Variants in SYT14 observed in about 807,000 individuals in gnomAD.
SYT14 encodes the protein synaptotagmin-14.
Under a neutral mutation model 74.2 loss-of-function variants are expected in SYT14, and 32 were observed. The observed-to-expected ratio is 0.43, with a 90% CI of 0.33 to 0.58. SYT14 has a LOEUF of 0.58. Ranked by LOEUF, SYT14 falls within the 20% of genes least tolerant of loss-of-function variation. The probability of loss-of-function intolerance (pLI) is 0.05; values close to 1 mark genes in which losing one functional copy is unlikely to be tolerated. For missense variants in SYT14, 791 were observed against 981.8 expected (o/e 0.81, Z 2.60); for synonymous variants, 298 against 337.7 (o/e 0.88, Z 1.29).
At chr1:210,068,311 C>T (rs2081333177) in intron 5 of SYT14, among the ~76,000 whole-genome samples, 1 of 151,862 alleles carries the variant, frequency 6.6e-6, no homozygotes, top group East Asian at 1.9e-4. Context: ...CTTTTGATTA[C>T]CTCTTGTGTT....
intron 2 of SYT14, among the ~76,000 whole-genome samples, chr1:209,963,938 A>G (rs1030711209): frequency 6.6e-6 from 1 of 152,210 alleles, no homozygotes; most frequent in Non-Finnish European, 1.5e-5. Context: ...CAGCTATACA[A>G]TACCAGTTAT....
chr1:210,001,295 C>CT (rs952669172), intron 2 of SYT14, among the ~76,000 whole-genome samples: 42 of 147,980 alleles, frequency 2.8e-4, no homozygotes, highest in African/African-American at 4.2e-4. Flanking sequence ...TTCTTAATAA[C>CT]TTTTTTTTTT....
intron 5 of SYT14, among the ~76,000 whole-genome samples, chr1:210,063,044 G>A (rs2081234736): frequency 6.9e-6 from 1 of 145,366 alleles, no homozygotes; most frequent in Admixed American, 6.8e-5. Context: ...TAACATTGAT[G>A]GTGATTTTGT....
chr1:210,013,879 G>T (rs1265293301), intron 3 of SYT14, 82 bp downstream of exon 3: 1 of 1,411,280 alleles, frequency 7.1e-7, no homozygotes, highest in Admixed American at 2.3e-5. Context: ...GCAATAAAAA[G>T]GTTGGTTGTG....
At chr1:209,953,322 A>G in intron 2 of SYT14, 1 of 1,174,312 alleles carries the variant, frequency 8.5e-7, no homozygotes, top group Non-Finnish European at 1.1e-6. Flanking sequence ...AAGAATCAGG[A>G]GAACCTTGGG....
intron 7 of SYT14, among the ~76,000 whole-genome samples, chr1:210,141,370 C>CAT (rs1490067524): frequency 9.9e-5 from 15 of 152,086 alleles, no homozygotes; most frequent in African/African-American, 3.4e-4. Flanking sequence ...AATTGATTTT[C>CAT]ATATATTGAT....
intron 5 of SYT14, among the ~76,000 whole-genome samples, chr1:210,045,041 G>A (rs1274389302): frequency 6.6e-6 from 1 of 151,872 alleles, no homozygotes; most frequent in Non-Finnish European, 1.5e-5. Context: ...GATTTGAGGG[G>A]GACAGACATC....
At chr1:210,082,741 G>T (rs138644246) in intron 5 of SYT14, among the ~76,000 whole-genome samples, 8 of 152,244 alleles carry the variant, frequency 5.3e-5, no homozygotes, top group African/African-American at 1.9e-4. Flanking sequence ...GTGTTCCTTG[G>T]TCTTCCAGAT....
intron 5 of SYT14, among the ~76,000 whole-genome samples, chr1:210,029,151 T>C (rs920019808): frequency 6.6e-6 from 1 of 152,206 alleles, no homozygotes; most frequent in African/African-American, 2.4e-5. Flanking sequence ...TTAGGAATTC[T>C]CCATATATTT....
In SYT14 at chr1:210,075,759, G is replaced by A. The variant is rs568137004; in HGVS notation, c.1313-18563G>A. ...CCTAGGTCTGTGGGCACAGGCCTGC[G>A]GGGGTAGAGCCCTTACCAGGGACCT... On this transcript the variant is annotated intron_variant, in intron 5 of 9. Transcript: ENST00000637265. 5.9e-5 allele frequency among the ~76,000 whole-genome samples: 9 copies of A among 152,204 alleles called. No homozygotes were observed. The South Asian group carries it at 1.7e-3, about 28-fold the overall frequency.
At chr1:209,978,554 G>A (rs1005866953) in intron 2 of SYT14, among the ~76,000 whole-genome samples, 3 of 152,148 alleles carry the variant, frequency 2.0e-5, no homozygotes, top group East Asian at 1.9e-4. Context: ...CTGCCTGATC[G>A]TTCCTCTGGA....
At chr1:209,985,319 T>C (rs1025542897) in intron 2 of SYT14, among the ~76,000 whole-genome samples, 2 of 152,216 alleles carry the variant, frequency 1.3e-5, no homozygotes, top group Admixed American at 6.5e-5. Context: ...GCAGACCCCA[T>C]GTTAGTTCAA....
exon 10 of SYT14, chr1:210,163,779 T>C (rs1164824325): frequency 4.4e-6 from 2 of 453,724 alleles, no homozygotes; most frequent in Non-Finnish European, 8.8e-6. Flanking sequence ...CTACTGAATC[T>C]AATGTACGAG....
chr1:210,091,145 C>T (rs1002049358), intron 5 of SYT14, among the ~76,000 whole-genome samples: 1 of 152,116 alleles, frequency 6.6e-6, no homozygotes, highest in East Asian at 1.9e-4. Flanking sequence ...GTAACTTGTG[C>T]CTTGGTCTCT....
At chr1:210,135,644 AT>A (rs1041508401) in intron 7 of SYT14, among the ~76,000 whole-genome samples, 2 of 151,834 alleles carry the variant, frequency 1.3e-5, no homozygotes, top group South Asian at 2.1e-4. Context: ...ATGCTTGATA[AT>A]TTTTAATGGA....
chr1:210,053,200 A>AGTGAAT (rs2081035410), intron 5 of SYT14, among the ~76,000 whole-genome samples: 1 of 152,218 alleles, frequency 6.6e-6, no homozygotes, highest in Non-Finnish European at 1.5e-5. Context: ...TTTTTATTAC[A>AGTGAAT]GTGAATCACT....
At chr1:210,154,339 C>G (rs1469039559) in intron 7 of SYT14, among the ~76,000 whole-genome samples, 1 of 152,126 alleles carries the variant, frequency 6.6e-6, no homozygotes, top group African/African-American at 2.4e-5. Context: ...GGCTAGCGAA[C>G]ATTACAGCCT....
At chr1:210,132,392 T>C (rs528293225) in intron 7 of SYT14, among the ~76,000 whole-genome samples, 16 of 152,016 alleles carry the variant, frequency 1.1e-4, no homozygotes, top group Admixed American at 2.0e-4. Context: ...ACATAATTGA[T>C]TTTTTTTAAC....
At chr1:210,137,181 A>G (rs1442620488) in intron 7 of SYT14, among the ~76,000 whole-genome samples, 1 of 152,198 alleles carries the variant, frequency 6.6e-6, no homozygotes, top group African/African-American at 2.4e-5. Flanking sequence ...GAAGGCCCAA[A>G]CAATATCGGG....
Sources: allele counts gnomAD v4.1 joint callset (sites outside exome capture counted in the v4.1 genomes callset), GRCh38; gene constraint gnomAD v4.1.1; transcripts MANE v1.5; gene names NCBI Gene and HGNC (gene_info 2026-07-23, HGNC 2026-07-21).